Variants in GRTP1 observed in about 807,000 individuals in gnomAD.
The protein encoded by GRTP1 is growth hormone regulated TBC protein 1.
A neutral mutation model predicts 38.1 loss-of-function variants in GRTP1; 56 were observed. The observed-to-expected ratio is 1.47, with a 90% CI of 1.19 to 1.84. The LOEUF is 1.84. Ranked by LOEUF, GRTP1 falls within the 40% of genes most tolerant of loss-of-function variation. The probability of loss-of-function intolerance (pLI) is 0.00; values close to 1 mark genes in which losing one functional copy is unlikely to be tolerated. For synonymous variants in GRTP1, 217 were observed against 189.5 expected (o/e 1.14, Z -1.19); for missense variants, 506 against 453.9 (o/e 1.11, Z -1.04).
chr13:113,343,505 A>C lies in GRTP1; in HGVS notation c.562+1358T>G, dbSNP rs903761867. On this transcript the variant is annotated intron_variant, in intron 5 of 7. Transcript: ENST00000375431. This position sits in a 1 kb window ranked among gnomAD's most constrained non-coding sequence, Gnocchi z 4.8. ...GATTCCTCCCTGCCCTTAATGATGC[A>C]CTTGAGCTTTGCCCCATCCGTGAGG... Among the ~76,000 whole-genome samples the C allele has an allele frequency of 1.3e-5, 2 of 152,146 alleles. No individual in the cohort carries two copies. Among genetic ancestry groups the C allele is most frequent in the East Asian group, 3.9e-4 (2 of 5,194 alleles).
intron 4 of GRTP1, among the ~76,000 whole-genome samples, chr13:113,347,793 T>C (rs1389608496): frequency 6.8e-6 from 1 of 146,226 alleles, no homozygotes; most frequent in African/African-American, 2.6e-5. Flanking sequence ...AGGACCTCTG[T>C]GGCTGAGCGG....
intron 4 of GRTP1, among the ~76,000 whole-genome samples, chr13:113,345,955 G>A (rs955887415): frequency 1.8e-4 from 27 of 152,068 alleles, no homozygotes; most frequent in Non-Finnish European, 2.1e-4. Flanking sequence ...GACCTCTGTG[G>A]CCAAAAGCAG....
intron 2 of GRTP1, among the ~76,000 whole-genome samples, chr13:113,357,833 C>G (rs1002389055): frequency 3.3e-5 from 5 of 152,088 alleles, no homozygotes; most frequent in Non-Finnish European, 5.9e-5. Context: ...AGAGGCCATG[C>G]AAAAACCAGT....
intron 4 of GRTP1, among the ~76,000 whole-genome samples, chr13:113,346,029 GGAAGAC>G (rs1451069234): frequency 1.5e-4 from 13 of 87,162 alleles, no homozygotes; most frequent in East Asian, 3.6e-4. Flanking sequence ...AGCAGACCTG[GGAAGAC>G]ATCTGTGGCC....
chr13:113,346,034 A>G (rs930567703), intron 4 of GRTP1, among the ~76,000 whole-genome samples: 4 of 83,334 alleles, frequency 4.8e-5, no homozygotes, highest in South Asian at 9.8e-4. Context: ...ACCTGGGAAG[A>G]CATCTGTGGC....
chr13:113,357,874 G>T (rs2018093), intron 2 of GRTP1, among the ~76,000 whole-genome samples: 73,318 of 151,984 alleles, frequency 0.48, 17,880 homozygotes, highest in East Asian at 0.66. Flanking sequence ...ATGAACACCT[G>T]GAAATCATAT....
rs1468894411 is a variant in GRTP1, at chr13:113,343,492, C to T, written c.562+1371G>A. ...TGAGGGTGGCGCTGATTCCTCCCTG[C>T]CCTTAATGATGCACTTGAGCTTTGC... is the stretch of plus-strand genomic sequence containing the variant. On this transcript the variant is annotated intron_variant, in intron 5 of 7. Transcript: ENST00000375431. The surrounding 1 kb of genome is among the most constrained non-coding windows in gnomAD (Gnocchi z 4.8). 6.6e-6 allele frequency among the ~76,000 whole-genome samples: 1 copy of T among 152,202 alleles called. No homozygotes were observed. The highest frequency in any genetic ancestry group is 1.5e-5 in the Non-Finnish European group (1 of 68,038).
At chr13:113,363,685 G>C (rs1471181919) in intron 2 of GRTP1, 77 bp downstream of exon 2, 1 of 1,429,594 alleles carries the variant, frequency 7.0e-7, no homozygotes, top group East Asian at 2.5e-5. Context: ...TCCGCTCCGG[G>C]AGCCCGGACT....
rs139380013 is a variant in GRTP1, at chr13:113,350,953, C to T, written c.361G>A (p.Asp121Asn). ...IRTDLNRTFP[D>N]NVKFRKTTDP... The stretch of plus-strand genomic sequence containing the variant: ...GTGGTCTTCCGGAACTTCACGTTGT[C>T]GGGGAAGGTCCGGTTCAGGTCTGTG... The change falls in exon 4 of 8, where the codon GAC becomes AAC. Residue 121 changes from aspartate to asparagine, a missense_variant. Asp to Asn is a conservative substitution (Grantham distance 23, BLOSUM62 1). Transcript: ENST00000375431. 55 of 1,613,586 alleles carry T rather than the reference C, an allele frequency of 3.4e-5. No individual in the cohort carries two copies. Among genetic ancestry groups the T allele is most frequent in the Admixed American group, 2.2e-4 (13 of 59,986 alleles).
intron 5 of GRTP1, among the ~76,000 whole-genome samples, chr13:113,331,947 A>G (rs1246695053): frequency 6.7e-6 from 1 of 149,408 alleles, no homozygotes; most frequent in Non-Finnish European, 1.5e-5. Context: ...GTGACCCACC[A>G]TGCCTAGCCT....
chr13:113,352,302 T>A (rs373531658), intron 3 of GRTP1, among the ~76,000 whole-genome samples: 14 of 91,644 alleles, frequency 1.5e-4, no homozygotes, highest in Non-Finnish European at 2.6e-4. Flanking sequence ...TTATATATAT[T>A]TTATATATAT....
chr13:113,364,034 G>A lies in GRTP1; in HGVS notation c.18C>T (p.Arg6=). ...GCGCCACACACCTGGGGACCCGCGA[G>A]CGCTCGGCGGGCTGCATGCGGGGAG... is the stretch of plus-strand genomic sequence containing the variant. MQPAE[R]SRVPRIDPYG... Residue 6 remains arginine (R), a synonymous_variant, in exon 1 of 8, where the codon CGC becomes CGT. Coordinates refer to ENST00000375431, the MANE Select transcript of GRTP1 (RefSeq NM_024719.4). 7.7e-7 allele frequency: 1 copy of A among 1,298,988 alleles called. No individual in the cohort carries two copies. The highest frequency in any genetic ancestry group is 9.7e-7 in the Non-Finnish European group (1 of 1,027,812). 80.5% of individuals were successfully genotyped at this position (1,298,988 alleles called of 1,614,324 possible).
chr13:113,329,006 G>C (rs991555485), intron 5 of GRTP1, among the ~76,000 whole-genome samples: 3 of 152,256 alleles, frequency 2.0e-5, no homozygotes, highest in Non-Finnish European at 2.9e-5. Flanking sequence ...CCTGAAGGTA[G>C]CAGGCTGCCC....
rs1216271041 is a variant in GRTP1 at position 113,349,582 on chromosome 13, TCACCCGACACGGCA to T, written c.465+1253_465+1266del. Among the ~76,000 whole-genome samples the T allele has an allele frequency of 1.3e-5, 2 of 152,200 alleles. No homozygotes were observed. Among genetic ancestry groups the T allele is most frequent in the Non-Finnish European group, 2.9e-5 (2 of 68,040 alleles). The stretch of plus-strand genomic sequence containing the variant: ...CTGCAAAGGAGGGACTCTCCCAGCT[TCACCCGACACGGCA>T]CTGCCAGCCAGCTACAGAGCCACAC... On this transcript the variant is annotated intron_variant, in intron 4 of 7. Coordinates refer to ENST00000375431, the MANE Select transcript of GRTP1 (RefSeq NM_024719.4). This position sits in a 1 kb window ranked among gnomAD's most constrained non-coding sequence, Gnocchi z 5.0.
chr13:113,326,222 G>C, intron 5 of GRTP1, 131 bp from the exon 6 acceptor site: 1 of 1,142,938 alleles, frequency 8.7e-7, no homozygotes, highest in Non-Finnish European at 1.2e-6. Context: ...GGACAAAGTT[G>C]GAGAGGAAGA....
chr13:113,345,007 C>T, intron 4 of GRTP1, 48 bp from the exon 5 acceptor site: 1 of 1,561,842 alleles, frequency 6.4e-7, no homozygotes, highest in Non-Finnish European at 8.6e-7. Context: ...TTTTAAGCCC[C>T]CATTTGATTC....
chr13:113,328,944 T>C (rs1299351120), intron 5 of GRTP1, among the ~76,000 whole-genome samples: 1 of 149,652 alleles, frequency 6.7e-6, no homozygotes, highest in Non-Finnish European at 1.5e-5. Context: ...TCTCAAACCT[T>C]ACAAAGCAGC....
intron 5 of GRTP1, among the ~76,000 whole-genome samples, chr13:113,340,185 A>G (rs192956884): frequency 6.6e-6 from 1 of 152,008 alleles, no homozygotes; most frequent in African/African-American, 2.4e-5. Flanking sequence ...GATTACAGGT[A>G]TGAGCCACAG....
intron 5 of GRTP1, among the ~76,000 whole-genome samples, chr13:113,341,328 G>A (rs2043022711): frequency 1.3e-5 from 2 of 152,194 alleles, no homozygotes; most frequent in African/African-American, 4.8e-5. Flanking sequence ...GTGCAGTGGT[G>A]TGATCTCGGC....
Sources: allele counts gnomAD v4.1 joint callset (sites outside exome capture counted in the v4.1 genomes callset), GRCh38; gene constraint gnomAD v4.1.1; non-coding constraint Gnocchi (gnomAD v3.1); transcripts MANE v1.5; gene names NCBI Gene and HGNC (gene_info 2026-07-23, HGNC 2026-07-21).